Variants in GSAP observed in about 807,000 individuals in gnomAD.
GSAP encodes gamma-secretase-activating protein.
Under a neutral mutation model 131.7 loss-of-function variants are expected in GSAP, and 118 were observed. The ratio of observed to expected loss-of-function variants is 0.90; its 90% CI spans 0.77 to 1.04. GSAP has a LOEUF of 1.04. Among genes scored for constraint, GSAP ranks in the 50% least tolerant of loss-of-function variants. GSAP has a pLI of 0.00. For synonymous variants in GSAP, 381 were observed against 363.4 expected (o/e 1.05, Z -0.55); for missense variants, 1,019 against 1,013.2 (o/e 1.01, Z -0.08).
At chr7:77,326,186 C>G in intron 23 of GSAP, 26 bp downstream of exon 23, 1 of 1,544,084 alleles carries the variant, frequency 6.5e-7, no homozygotes, top group South Asian at 1.1e-5. Flanking sequence ...GTTTGCCAGC[C>G]CCTAAAGAAC....
At chr7:77,379,526 G>A (rs1765270315) in intron 8 of GSAP, among the ~76,000 whole-genome samples, 1 of 151,948 alleles carries the variant, frequency 6.6e-6, no homozygotes, top group Admixed American at 6.6e-5. Context: ...TCTTTTCTGG[G>A]CTGCTGACAG....
intron 8 of GSAP, among the ~76,000 whole-genome samples, chr7:77,379,218 G>A (rs923529262): frequency 7.2e-5 from 11 of 152,004 alleles, no homozygotes; most frequent in African/African-American, 2.7e-4. Context: ...GCATACCCAG[G>A]TTCAAATCTC....
Position 77,396,980 on chromosome 7 carries a change from A to G in GSAP, c.367+2T>C. ...AGGTACTAAAAAGTGTAATTTCATT[A>G]CCTGGTTGAAGTTCGTTCCTTTTTC... On this transcript the variant is annotated splice_donor_variant, in intron 5 of 30. Transcript: ENST00000257626. LOFTEE classifies it high-confidence loss of function. The G allele has an allele frequency of 6.3e-7, 1 of 1,575,546 alleles. No individual in the cohort carries two copies. The highest frequency in any genetic ancestry group is 2.2e-5 in the East Asian group (1 of 44,514).
chr7:77,372,737 G>A (rs1796318369), intron 12 of GSAP, among the ~76,000 whole-genome samples: 1 of 152,198 alleles, frequency 6.6e-6, no homozygotes, highest in Non-Finnish European at 1.5e-5. Flanking sequence ...AAATTGTATA[G>A]TAACAAAAAA....
chr7:77,316,287 G>C (rs947548744), intron 26 of GSAP: 2 of 152,128 alleles, frequency 1.3e-5, no homozygotes, highest in African/African-American at 4.8e-5. Context: ...AAGAATCATA[G>C]CCTACTCTTG....
chr7:77,351,816 T>G (rs1448959566), intron 18 of GSAP: 1 of 618,166 alleles, frequency 1.6e-6, no homozygotes, highest in African/African-American at 2.0e-5. Context: ...CCTGGACACT[T>G]TGAACACAGG....
chr7:77,354,128 C>G (rs1165452824), intron 16 of GSAP, among the ~76,000 whole-genome samples: 1 of 152,212 alleles, frequency 6.6e-6, no homozygotes, highest in Admixed American at 6.5e-5. Flanking sequence ...TCAACTCGCT[C>G]ATCTCCATAA....
chr7:77,404,617 T>TA lies in GSAP; in HGVS notation c.187-3dup. ...AAAGACGACATTTCCCTTATCATCC[T>TA]AAAAAAAATTAACCAGATGTTTATT... On this transcript the variant is annotated splice_polypyrimidine_tract_variant and splice_region_variant and intron_variant, in intron 2 of 30. Transcript: ENST00000257626. 5.7e-5 allele frequency: 85 copies of TA among 1,494,014 alleles called. No individual in the cohort carries two copies. Among genetic ancestry groups the TA allele is most frequent in the Non-Finnish European group, 7.0e-5 (75 of 1,075,134 alleles). 92.5% of individuals were successfully genotyped at this position (1,494,014 alleles called of 1,614,324 possible). A position where few individuals can be genotyped will look rare whatever the true frequency, so the allele number is the denominator to read the frequency against.
chr7:77,407,876 G>A (rs181168914), intron 1 of GSAP, among the ~76,000 whole-genome samples: 2 of 152,118 alleles, frequency 1.3e-5, no homozygotes, highest in Non-Finnish European at 2.9e-5. Context: ...ATTAAGTGAA[G>A]AATGAATAAA....
chr7:77,317,446 C>T (rs139490764), intron 26 of GSAP, among the ~76,000 whole-genome samples: 65 of 152,236 alleles, frequency 4.3e-4, no homozygotes, highest in Middle Eastern at 6.8e-3. Flanking sequence ...TTAATAGGTG[C>T]AGCAAACCAA....
chr7:77,344,767 T>C (rs1320387107), intron 19 of GSAP, among the ~76,000 whole-genome samples: 2 of 152,172 alleles, frequency 1.3e-5, no homozygotes, highest in African/African-American at 2.4e-5. Context: ...CTCATTATTA[T>C]TCTTGTTCCC....
Position 77,416,278 on chromosome 7 carries a change from A to G in GSAP, c.44T>C (p.Val15Ala). ...LVADFDLGKD[V>A]LPWLRAQRAV... ...CCGCTGCGCCCGCAACCACGGGAGCACGTCCTTCCCGAGGTCGAAGTCGGC... is the reference window on the plus strand; with the variant it reads ...CCGCTGCGCCCGCAACCACGGGAGCGCGTCCTTCCCGAGGTCGAAGTCGGC... The change falls in exon 1 of 31, where the codon GTG (valine) becomes GCG (alanine). Residue 15 changes from valine to alanine, a missense_variant. Physicochemically the swap from Val to Ala is moderately conservative, Grantham distance 64. Coordinates refer to ENST00000257626, the MANE Select transcript of GSAP (RefSeq NM_017439.4). 1 of 1,495,002 alleles carries G rather than the reference A, an allele frequency of 6.7e-7. No individual in the cohort carries two copies. The highest frequency in any genetic ancestry group is 8.9e-7 in the Non-Finnish European group (1 of 1,124,072). 92.6% of individuals were successfully genotyped at this position (1,495,002 alleles called of 1,614,324 possible).
At chr7:77,409,430 A>G (rs888392501) in intron 1 of GSAP, among the ~76,000 whole-genome samples, 1 of 152,222 alleles carries the variant, frequency 6.6e-6, no homozygotes, top group Non-Finnish European at 1.5e-5. Flanking sequence ...TTTCAATGAG[A>G]TAATGATACT....
At chr7:77,330,536 C>T in intron 19 of GSAP, 169 bp from the exon 20 acceptor site, 1 of 1,125,404 alleles carries the variant, frequency 8.9e-7, no homozygotes, top group Non-Finnish European at 1.1e-6. Flanking sequence ...CTAAAATAGA[C>T]TTAAAGAATC....
At chr7:77,371,879 A>G (rs1203374222) in intron 12 of GSAP, among the ~76,000 whole-genome samples, 1 of 152,250 alleles carries the variant, frequency 6.6e-6, no homozygotes, top group Non-Finnish European at 1.5e-5. Context: ...GAATAGTCAC[A>G]TGGTGACAAA....
intron 19 of GSAP, among the ~76,000 whole-genome samples, chr7:77,334,691 G>A (rs1421340033): frequency 6.7e-6 from 1 of 149,574 alleles, no homozygotes; most frequent in Non-Finnish European, 1.5e-5. Context: ...AGGAACAACA[G>A]CACCACAAAA....
At chr7:77,389,493 C>T (rs1563096398) in intron 5 of GSAP, among the ~76,000 whole-genome samples, 1 of 120,786 alleles carries the variant, frequency 8.3e-6, no homozygotes, top group Non-Finnish European at 1.6e-5. Flanking sequence ...TCCATGTGTT[C>T]TCATTGTTCG....
rs375595494 is a variant in GSAP at position 77,402,616 on chromosome 7, A to AAAAAAAAAAAAAAAAT, written c.243+1942_243+1943insATTTTTTTTTTTTTTT. Among the ~76,000 whole-genome samples, 29 of 80,496 alleles carry AAAAAAAAAAAAAAAAT rather than the reference A, an allele frequency of 3.6e-4. 3 individuals carry two copies. The highest frequency in any genetic ancestry group is 8.8e-4 in the Admixed American group (5 of 5,678). The allele number at this position is 80,496 out of a possible 152,430, so 52.8% of individuals were successfully genotyped here. A position where few individuals can be genotyped will look rare whatever the true frequency, so the allele number is the denominator to read the frequency against. On this transcript the variant is annotated intron_variant, in intron 3 of 30. Transcript: ENST00000257626. ...CTCAAAAAAAAAAAAAAAAAAAAAA[A>AAAAAAAAAAAAAAAAT]GAATTTTAAAGCCCATCTAGATTTG...
chr7:77,353,696 C>G, intron 16 of GSAP, 55 bp from the exon 17 acceptor site: 1 of 1,052,516 alleles, frequency 9.5e-7, no homozygotes, highest in South Asian at 1.3e-5. Context: ...TCTGCCTCCA[C>G]TACCAAAGAA....
Sources: gnomAD v4.1 joint callset for allele counts (sites outside exome capture counted in the v4.1 genomes callset) on GRCh38, gnomAD v4.1.1 for gene constraint, MANE v1.5 for transcripts, NCBI Gene and HGNC (gene_info 2026-07-23, HGNC 2026-07-21) for gene names.